CCDC181: variants seen among roughly 807,000 people sequenced by gnomAD.
CCDC181 encodes the protein coiled-coil domain-containing protein 181.
CCDC181 carries 35 observed loss-of-function variants against 58.7 expected under a neutral mutation model. The ratio of observed to expected loss-of-function variants is 0.60; its 90% CI spans 0.46 to 0.79. CCDC181 has a LOEUF of 0.79. Among genes scored for constraint, CCDC181 ranks in the 30% least tolerant of loss-of-function variants. The pLI is 0.00. For synonymous variants in CCDC181, 183 were observed against 197.5 expected (o/e 0.93, Z 0.62); for missense variants, 517 against 583.9 (o/e 0.89, Z 1.18).
At position 169,408,460 on chromosome 1, in the gene CCDC181, C is replaced by T. The variant is rs567288763; in HGVS notation, c.1215+10553G>A. Among the ~76,000 whole-genome samples, 305 of 152,318 alleles carry T rather than the reference C, an allele frequency of 2.0e-3. 4 individuals are homozygous for T. The highest frequency in any genetic ancestry group is 7.0e-3 in the African/African-American group (293 of 41,574). Reference sequence around the variant, plus strand: ...GAGCACCTGGGGGAAGGGGTGGCTGCGGGCACAGCTTCAGCAGACTTCAAT... The same window carrying T: ...GAGCACCTGGGGGAAGGGGTGGCTGTGGGCACAGCTTCAGCAGACTTCAAT... On this transcript the variant is annotated intron_variant, in intron 4 of 5. Coordinates refer to ENST00000367806, the MANE Select transcript of CCDC181 (RefSeq NM_001300969.2).
At chr1:169,443,619 T>C (rs1459707277) in intron 2 of CCDC181, among the ~76,000 whole-genome samples, 1 of 152,200 alleles carries the variant, frequency 6.6e-6, no homozygotes. Flanking sequence ...AGATGTCCTA[T>C]AGTTTTAGCT....
intron 4 of CCDC181, among the ~76,000 whole-genome samples, chr1:169,409,408 G>A (rs936896145): frequency 3.3e-5 from 5 of 152,150 alleles, no homozygotes; most frequent in Non-Finnish European, 7.4e-5. Flanking sequence ...CCAAACCTAC[G>A]TTTGATTGGT....
chr1:169,430,046 A>T (rs552324221), upstream of CCDC181, among the ~76,000 whole-genome samples: 12 of 152,128 alleles, frequency 7.9e-5, no homozygotes, highest in South Asian at 1.2e-3. Context: ...TCCCAGCACC[A>T]TTTGTTGAAT....
chr1:169,406,075 T>A (rs143711637), intron 4 of CCDC181, among the ~76,000 whole-genome samples: 8,703 of 152,190 alleles, frequency 0.057, 280 homozygotes, highest in Middle Eastern at 0.11. Context: ...ATCAGAGAAA[T>A]GCAAATCAAA....
At chr1:169,398,594 A>C (rs1205850991) in intron 4 of CCDC181, among the ~76,000 whole-genome samples, 1 of 152,200 alleles carries the variant, frequency 6.6e-6, no homozygotes, top group Non-Finnish European at 1.5e-5. Context: ...CACATTCTGT[A>C]CTGTACAATA....
intron 4 of CCDC181, among the ~76,000 whole-genome samples, chr1:169,402,015 C>A (rs1004656109): frequency 6.6e-6 from 1 of 152,030 alleles, no homozygotes; most frequent in African/African-American, 2.4e-5. Context: ...GCATGCACAA[C>A]CTTCAGTAGC....
upstream of CCDC181, among the ~76,000 whole-genome samples, chr1:169,427,885 C>G (rs1010305677): frequency 6.6e-6 from 1 of 152,098 alleles, no homozygotes; most frequent in Non-Finnish European, 1.5e-5. Context: ...GATTTTTGCT[C>G]TAGCTTTGAG....
chr1:169,422,195 C>T lies in CCDC181; in HGVS notation c.236G>A (p.Arg79Lys). The T allele has an allele frequency of 6.2e-7, 1 of 1,613,732 alleles. No individual in the cohort carries two copies. Among genetic ancestry groups the T allele is most frequent in the Non-Finnish European group, 8.5e-7 (1 of 1,179,846 alleles). Reference protein sequence around the residue: ...DKSLQDEVSPRRNDIISVPGI... With the variant: ...DKSLQDEVSPKRNDIISVPGI... ...TGGTACAGAAATGATGTCATTTCTT[C>T]TTGGTGAGACCTCATCCTGCAAAGA... Residue 79 changes from arginine (R) to lysine (K), a missense_variant, in exon 3 of 6, where the codon AGA becomes AAA. Physicochemically the swap from Arg to Lys is conservative, Grantham distance 26. Coordinates refer to ENST00000367806, the MANE Select transcript of CCDC181 (RefSeq NM_001300969.2).
intron 2 of CCDC181, among the ~76,000 whole-genome samples, chr1:169,423,183 C>T (rs1016253402): frequency 6.6e-6 from 1 of 151,618 alleles, no homozygotes; most frequent in Non-Finnish European, 1.5e-5. Flanking sequence ...TTCATTTGCT[C>T]ATAGGTCATC....
intron 2 of CCDC181, among the ~76,000 whole-genome samples, chr1:169,447,360 G>T (rs185018432): frequency 3.3e-5 from 5 of 152,080 alleles, no homozygotes; most frequent in African/African-American, 1.2e-4. Flanking sequence ...TGATCCACCC[G>T]CCTCAGCCTC....
chr1:169,423,738 C>T (rs2102097931), intron 2 of CCDC181, among the ~76,000 whole-genome samples: 1 of 151,954 alleles, frequency 6.6e-6, no homozygotes, highest in East Asian at 1.9e-4. Flanking sequence ...GATCTCACAC[C>T]CTTCCAGTCT....
intron 2 of CCDC181, among the ~76,000 whole-genome samples, chr1:169,455,051 C>T (rs1022815937): frequency 1.3e-5 from 2 of 151,732 alleles, no homozygotes; most frequent in Non-Finnish European, 2.9e-5. Context: ...TATAACATTC[C>T]GCTATCACAA....
chr1:169,423,564 T>C (rs555628232), intron 2 of CCDC181, among the ~76,000 whole-genome samples: 17 of 152,090 alleles, frequency 1.1e-4, no homozygotes, highest in Non-Finnish European at 2.5e-4. Context: ...TCCGCTGGAA[T>C]GTGTAAGATT....
At position 169,422,017 on chromosome 1, in the gene CCDC181, T is replaced by C. The variant is rs1489400157; in HGVS notation, c.414A>G (p.Leu138=). 4 of 1,614,112 alleles carry C rather than the reference T, an allele frequency of 2.5e-6. No homozygotes were observed. Among genetic ancestry groups the C allele is most frequent in the Admixed American group, 3.3e-5 (2 of 60,008 alleles). The part of the protein sequence containing the change: ...MEKIVQANKL[L]QNQEPVNDKR... ...TATCATTCACCGGTTCTTGATTCTG[T>C]AGAAGCTTGTTAGCTTGTACAATTT... is the stretch of plus-strand genomic sequence containing the variant. Residue 138 remains leucine, a synonymous_variant, in exon 3 of 6, where the codon CTA becomes CTG. Coordinates refer to ENST00000367806, the MANE Select transcript of CCDC181 (RefSeq NM_001300969.2).
At chr1:169,459,175 C>A (rs566704630) in intron 2 of CCDC181, among the ~76,000 whole-genome samples, 4 of 152,012 alleles carry the variant, frequency 2.6e-5, no homozygotes, top group African/African-American at 9.7e-5. Flanking sequence ...AGAATATTTG[C>A]CAAACACAAA....
chr1:169,402,209 G>A (rs767067251), intron 4 of CCDC181, among the ~76,000 whole-genome samples: 15 of 152,234 alleles, frequency 9.9e-5, no homozygotes, highest in Non-Finnish European at 2.1e-4. Context: ...CGGGGAGAAC[G>A]GAACCAAGTT....
intron 4 of CCDC181, among the ~76,000 whole-genome samples, chr1:169,399,560 C>T (rs1321258370): frequency 6.6e-6 from 1 of 151,046 alleles, no homozygotes; most frequent in Non-Finnish European, 1.5e-5. Context: ...GTGGAGGGAA[C>T]CAAAATAAAA....
intron 2 of CCDC181, among the ~76,000 whole-genome samples, chr1:169,435,631 A>T (rs1481682742): frequency 6.6e-6 from 1 of 152,202 alleles, no homozygotes. Flanking sequence ...TAATCCATGT[A>T]CTTAGCCCAG....
At chr1:169,439,537 T>C (rs1571510412) in intron 2 of CCDC181, among the ~76,000 whole-genome samples, 2 of 152,076 alleles carry the variant, frequency 1.3e-5, no homozygotes, top group African/African-American at 2.4e-5. Context: ...GACAGGCAGG[T>C]GCAGGAGCCA....
Sources: allele counts gnomAD v4.1 joint callset (sites outside exome capture counted in the v4.1 genomes callset), GRCh38; gene constraint gnomAD v4.1.1; transcripts MANE v1.5; gene names NCBI Gene and HGNC (gene_info 2026-07-23, HGNC 2026-07-21).